The following TENM2 variants were observed in gnomAD, a reference collection of about 807,000 sequenced individuals.
TENM2 encodes the protein teneurin transmembrane protein 2.
In TENM2, 52 loss-of-function variants were observed where a neutral mutation model predicts 245.2. The observed-to-expected ratio is 0.21, with a 90% confidence interval of 0.17 to 0.27. The LOEUF (loss-of-function observed/expected upper bound fraction) is 0.27, where lower values mean the gene tolerates loss of function less well. Among genes scored for constraint, TENM2 ranks in the 10% least tolerant of loss-of-function variants. TENM2 has a pLI of 1.00. For missense variants in TENM2, 3,046 were observed against 3,666.8 expected (o/e 0.83, Z 4.37); for synonymous variants, 1,363 against 1,438.9 (o/e 0.95, Z 1.19).
intron 25 of TENM2, among the ~76,000 whole-genome samples, chr5:168,228,499 ACTGT>A (rs1312205597): frequency 1.4e-5 from 2 of 140,400 alleles, no homozygotes; most frequent in Non-Finnish European, 1.5e-5. Context: ...CTCAGTTTTC[ACTGT>A]CTGGCCAGTT....
At chr5:167,312,855 G>A (rs1756120658) in intron 1 of TENM2, among the ~76,000 whole-genome samples, 1 of 151,240 alleles carries the variant, frequency 6.6e-6, no homozygotes, top group African/African-American at 2.4e-5. Flanking sequence ...CCCTGGCAAA[G>A]CAGAATCAAG....
chr5:167,086,255 T>C, the TENM2 span, among the ~76,000 whole-genome samples: 1 of 152,352 alleles, frequency 6.6e-6, no homozygotes, highest in African/African-American at 2.4e-5. Context: ...TCTCGCTTTC[T>C]ATGTGACCTT....
At chr5:167,959,200 T>C (rs188496506) in intron 4 of TENM2, among the ~76,000 whole-genome samples, 64 of 150,912 alleles carry the variant, frequency 4.2e-4, no homozygotes, top group African/African-American at 1.5e-3. Context: ...TTTTTTTTTT[T>C]TTTTCTTTTT....
intron 7 of TENM2, among the ~76,000 whole-genome samples, chr5:168,067,577 T>G (rs2152115793): frequency 6.6e-6 from 1 of 152,360 alleles, no homozygotes; most frequent in South Asian, 2.1e-4. Context: ...CCTTTTCATT[T>G]CAGATCCTCA....
At chr5:167,593,884 G>A (rs1199579403) in intron 2 of TENM2, among the ~76,000 whole-genome samples, 3 of 152,040 alleles carry the variant, frequency 2.0e-5, no homozygotes, top group East Asian at 1.9e-4. Flanking sequence ...CTTCTCCCTC[G>A]CCTCAGTGAA....
intron 3 of TENM2, chr5:167,948,995 G>A (rs1470748858): frequency 6.6e-6 from 1 of 152,198 alleles, no homozygotes; most frequent in East Asian, 1.9e-4. Context: ...CCCAGCAAGT[G>A]TGTTGGATGA....
chr5:168,017,340 A>G (rs1168879423), intron 5 of TENM2, among the ~76,000 whole-genome samples: 1 of 152,250 alleles, frequency 6.6e-6, no homozygotes, highest in East Asian at 1.9e-4. Flanking sequence ...GTTATTAAGA[A>G]TAAACAAGAG....
chr5:168,035,630 C>G lies in TENM2; in HGVS notation c.1187-11797C>G, dbSNP rs565117563. 1.3e-5 allele frequency among the ~76,000 whole-genome samples: 2 copies of G among 152,196 alleles called. 1 individual carries two copies. Among genetic ancestry groups the G allele is most frequent in the South Asian group, 4.1e-4 (2 of 4,824 alleles). On this transcript the variant is annotated intron_variant, in intron 5 of 28. Coordinates refer to ENST00000518659, the Ensembl canonical transcript of TENM2. ...TGTGGACATTTCAGAAGAGACCCAA[C>G]TTCGGTCACCTTGGACAATTCTTTC...
intron 2 of TENM2, among the ~76,000 whole-genome samples, chr5:167,683,831 C>T (rs1418660069): frequency 6.6e-6 from 1 of 152,184 alleles, no homozygotes; most frequent in Non-Finnish European, 1.5e-5. Flanking sequence ...CACTCTCCAA[C>T]ACATTGTACT....
In TENM2 at chr5:167,941,349, A is replaced by G. The variant is rs373858685; in HGVS notation, c.713-11239A>G. Reference sequence around the variant, plus strand: ...AATTTATCAAAGGACAAAAGCTGCTATAAGGCACTTCACATTGTCCACCAT... The same window carrying G: ...AATTTATCAAAGGACAAAAGCTGCTGTAAGGCACTTCACATTGTCCACCAT... On this transcript the variant is annotated intron_variant, in intron 3 of 28. Coordinates refer to ENST00000518659, the Ensembl canonical transcript of TENM2. 3.9e-5 allele frequency among the ~76,000 whole-genome samples: 6 copies of G among 152,210 alleles called. No homozygotes were observed. In the East Asian group the frequency reaches 5.8e-4, roughly 15 times the overall value.
chr5:167,651,276 A>G (rs931957368), intron 2 of TENM2, among the ~76,000 whole-genome samples: 1 of 152,140 alleles, frequency 6.6e-6, no homozygotes, highest in African/African-American at 2.4e-5. Flanking sequence ...ATTAAAGGTA[A>G]GTGATACTCA....
intron 2 of TENM2, among the ~76,000 whole-genome samples, chr5:167,389,120 A>G (rs1411493999): frequency 1.3e-5 from 2 of 151,964 alleles, no homozygotes; most frequent in Non-Finnish European, 2.9e-5. Context: ...TTTTATTGTT[A>G]AATCTTTATG....
Position 168,133,374 on chromosome 5 carries a change from G to A in TENM2, c.2422+6408G>A, listed in dbSNP as rs146787338. On this transcript the variant is annotated intron_variant, in intron 12 of 28. Transcript: ENST00000518659. ...ATATTGCAAATGTCATAAATGCAGC[G>A]TGTGATTGACTGAATTTAGAACACA... 2.2e-3 allele frequency among the ~76,000 whole-genome samples: 329 copies of A among 152,262 alleles called. 2 individuals carry two copies. The highest frequency in any genetic ancestry group is 7.1e-3 in the African/African-American group (294 of 41,542).
chr5:167,515,832 G>A (rs1269512120), intron 2 of TENM2, among the ~76,000 whole-genome samples: 1 of 151,266 alleles, frequency 6.6e-6, no homozygotes, highest in Non-Finnish European at 1.5e-5. Context: ...CGCTCATAGG[G>A]CAATATTTAG....
chr5:167,184,160 C>T, the TENM2 span, among the ~76,000 whole-genome samples: 2 of 152,004 alleles, frequency 1.3e-5, no homozygotes, highest in African/African-American at 2.4e-5. Flanking sequence ...TGAAGATATC[C>T]GAGAAAATGA....
At chr5:167,707,226 A>G (rs1561692202) in intron 2 of TENM2, among the ~76,000 whole-genome samples, 1 of 151,960 alleles carries the variant, frequency 6.6e-6, no homozygotes, top group Non-Finnish European at 1.5e-5. Flanking sequence ...AGAAATATCT[A>G]TTCAGTTCCT....
intron 1 of TENM2, among the ~76,000 whole-genome samples, chr5:167,316,140 T>C (rs1004282229): frequency 2.0e-5 from 3 of 152,206 alleles, no homozygotes; most frequent in Non-Finnish European, 2.9e-5. Context: ...AAGATTTGCT[T>C]ATTTGCTTAT....
rs761504273 is a variant in TENM2, at chr5:168,022,194, G to A, written c.1187-25233G>A. Among the ~76,000 whole-genome samples the A allele has an allele frequency of 2.1e-4, 32 of 152,344 alleles. No individual in the cohort carries two copies. The South Asian group carries it at 2.3e-3, about 11-fold the overall frequency. ...ATGCATGAGCAGGCACCGTGCCGGG[G>A]GCTGGGGATGCAGCGCAGAGAAGAG... On this transcript the variant is annotated intron_variant, in intron 5 of 28. Transcript: ENST00000518659.
At chr5:168,185,659 A>G (rs1760320828) in intron 13 of TENM2, among the ~76,000 whole-genome samples, 1 of 148,084 alleles carries the variant, frequency 6.8e-6, no homozygotes, top group East Asian at 2.0e-4. Flanking sequence ...AAAAAAAAAA[A>G]TGTAAATTCT....
Sources: allele counts gnomAD v4.1 joint callset (sites outside exome capture counted in the v4.1 genomes callset), GRCh38; gene constraint gnomAD v4.1.1; transcripts MANE v1.5; gene names NCBI Gene and HGNC (gene_info 2026-07-23, HGNC 2026-07-21).